Variants in SHTN1 observed in about 807,000 individuals in gnomAD.
SHTN1 encodes the protein shootin-1.
SHTN1 carries 42 observed loss-of-function variants against 83.1 expected under a neutral mutation model. The ratio of observed to expected loss-of-function variants is 0.51; its 90% CI spans 0.39 to 0.65. The LOEUF is 0.65. Among genes scored for constraint, SHTN1 ranks in the 30% least tolerant of loss-of-function variants. The pLI is 0.00. For missense variants in SHTN1, 622 were observed against 737.8 expected (o/e 0.84, Z 1.82); for synonymous variants, 224 against 247.7 (o/e 0.90, Z 0.90).
chr10:116,901,676 C>A, intron 16 of SHTN1, 89 bp downstream of exon 16: 1 of 1,364,916 alleles, frequency 7.3e-7, no homozygotes, highest in Non-Finnish European at 9.4e-7. Flanking sequence ...CAATCAAAAT[C>A]TCTCTAAAGG....
intron 1 of SHTN1, among the ~76,000 whole-genome samples, chr10:117,095,521 G>A (rs1853491640): frequency 6.6e-6 from 1 of 152,130 alleles, no homozygotes. Flanking sequence ...CCAGGAAACT[G>A]AAAATGACCA....
chr10:117,084,958 C>A (rs1340294140), intron 1 of SHTN1, among the ~76,000 whole-genome samples: 2 of 152,124 alleles, frequency 1.3e-5, no homozygotes, highest in Non-Finnish European at 2.9e-5. Flanking sequence ...GTGAGATGAA[C>A]CCGGTACCTC....
chr10:116,907,789 C>G (rs963492570), intron 14 of SHTN1: 7 of 468,552 alleles, frequency 1.5e-5, no homozygotes, highest in Admixed American at 9.1e-5. Flanking sequence ...TCTGGTATAA[C>G]TTGCCAGACT....
chr10:116,895,234 C>T (rs1847477120), intron 16 of SHTN1, among the ~76,000 whole-genome samples: 1 of 152,044 alleles, frequency 6.6e-6, no homozygotes, highest in African/African-American at 2.4e-5. Context: ...AGGTATTTGA[C>T]TTCTGGGAAA....
At chr10:116,978,610 T>A (rs1253010308) in intron 2 of SHTN1, among the ~76,000 whole-genome samples, 1 of 151,108 alleles carries the variant, frequency 6.6e-6, no homozygotes, top group Admixed American at 6.6e-5. Flanking sequence ...ATATATATAT[T>A]ATTAGCTATA....
At chr10:117,041,072 A>T (rs912133955) in intron 2 of SHTN1, among the ~76,000 whole-genome samples, 1 of 152,072 alleles carries the variant, frequency 6.6e-6, no homozygotes, top group Non-Finnish European at 1.5e-5. Context: ...AACATTAGGT[A>T]TATCTCCAAA....
chr10:116,965,080 A>G (rs1850340035), intron 3 of SHTN1, among the ~76,000 whole-genome samples: 1 of 152,220 alleles, frequency 6.6e-6, no homozygotes, highest in African/African-American at 2.4e-5. Flanking sequence ...TGTGTGTAGG[A>G]GGAAGGCTCA....
chr10:117,065,383 C>A (rs2133598255), intron 1 of SHTN1, among the ~76,000 whole-genome samples: 1 of 152,174 alleles, frequency 6.6e-6, no homozygotes, highest in East Asian at 1.9e-4. Context: ...GCTTCCACAT[C>A]TCCCTAAGAA....
intron 1 of SHTN1, among the ~76,000 whole-genome samples, chr10:117,073,177 A>G (rs1853108356): frequency 6.6e-6 from 1 of 152,204 alleles, no homozygotes; most frequent in Non-Finnish European, 1.5e-5. Flanking sequence ...AAAAAGAATA[A>G]GAAAATACAA....
At chr10:117,102,716 C>T (rs1853612423) in intron 1 of SHTN1, among the ~76,000 whole-genome samples, 1 of 152,032 alleles carries the variant, frequency 6.6e-6, no homozygotes, top group Non-Finnish European at 1.5e-5. Context: ...ACTGAAAAAA[C>T]TAACAGTGCC....
rs1245569255 is a variant in SHTN1, at chr10:116,881,584, C to T, written c.*4760G>A. 10 of 1,550,382 alleles carry T rather than the reference C, an allele frequency of 6.5e-6. No homozygotes were observed. Among genetic ancestry groups the T allele is most frequent in the Middle Eastern group, 1.7e-4 (1 of 5,986 alleles). ...GAAAAGGCTGCGGAGGCACTTGAGG[C>T]TGCTGCGGCTAGGGAGCCGCTGGTG... On this transcript the variant is annotated 3_prime_UTR_variant, in exon 17 of 17. Transcript: ENST00000355371.
chr10:116,922,827 C>T (rs58852191), intron 11 of SHTN1, among the ~76,000 whole-genome samples: 8,778 of 151,970 alleles, frequency 0.058, 825 homozygotes, highest in African/African-American at 0.19. Context: ...ATTAGCTGGG[C>T]GTGGTGGCGG....
intron 1 of SHTN1, among the ~76,000 whole-genome samples, chr10:117,073,976 G>A (rs10886038): frequency 0.69 from 104,200 of 152,010 alleles, 38,051 homozygotes; most frequent in Middle Eastern, 0.84. Flanking sequence ...CAGAATATAT[G>A]AGACTTTTTT....
intron 2 of SHTN1, among the ~76,000 whole-genome samples, chr10:117,013,330 C>T (rs1398452842): frequency 3.3e-5 from 5 of 152,056 alleles, no homozygotes; most frequent in Admixed American, 6.6e-5. Context: ...CCCGCCACCA[C>T]GCCCACCTAA....
At chr10:117,109,130 A>G (rs929132381) in intron 1 of SHTN1, among the ~76,000 whole-genome samples, 2 of 152,186 alleles carry the variant, frequency 1.3e-5, no homozygotes, top group Admixed American at 1.3e-4. Context: ...GCGCATTGTA[A>G]TCATCTGAAC....
intron 2 of SHTN1, among the ~76,000 whole-genome samples, chr10:117,042,885 G>A (rs1299336893): frequency 6.6e-6 from 1 of 152,052 alleles, no homozygotes; most frequent in Admixed American, 6.6e-5. Flanking sequence ...CAAAGTGCTG[G>A]GATTACAGGC....
intron 6 of SHTN1, among the ~76,000 whole-genome samples, chr10:116,951,354 T>C (rs1283978369): frequency 6.6e-6 from 1 of 152,100 alleles, no homozygotes; most frequent in Non-Finnish European, 1.5e-5. Context: ...GCCTGGGAGG[T>C]TGAGGCGGCA....
chr10:116,973,049 G>GT (rs1006365138), intron 2 of SHTN1, among the ~76,000 whole-genome samples: 5 of 152,126 alleles, frequency 3.3e-5, no homozygotes, highest in Non-Finnish European at 7.3e-5. Flanking sequence ...GTGTGAATTA[G>GT]TATCTTCCTT....
chr10:117,007,120 G>C (rs980252055), upstream of SHTN1, among the ~76,000 whole-genome samples: 1 of 151,962 alleles, frequency 6.6e-6, no homozygotes, highest in African/African-American at 2.4e-5. Context: ...ATTCAAGATA[G>C]TTGCAGATAG....
Sources: gnomAD v4.1 joint callset for allele counts (sites outside exome capture counted in the v4.1 genomes callset) on GRCh38, gnomAD v4.1.1 for gene constraint, MANE v1.5 for transcripts, NCBI Gene and HGNC (gene_info 2026-07-23, HGNC 2026-07-21) for gene names.